The following SEMA3A variants were observed in gnomAD, a reference collection of about 807,000 sequenced individuals.
SEMA3A encodes the protein semaphorin 3A.
Under a neutral mutation model 97.9 loss-of-function variants are expected in SEMA3A, and 29 were observed. The ratio of observed to expected loss-of-function variants is 0.30; its 90% CI spans 0.22 to 0.40. SEMA3A has a LOEUF of 0.40. Ranked by LOEUF, SEMA3A falls within the 10% of genes least tolerant of loss-of-function variation. SEMA3A has a pLI of 1.00. For missense variants in SEMA3A, 763 were observed against 951.3 expected, an observed-to-expected ratio of 0.80 and a Z score of 2.60; for synonymous variants, 321 against 323.7, an observed-to-expected ratio of 0.99 and a Z score of 0.09.
intron 2 of SEMA3A, among the ~76,000 whole-genome samples, chr7:84,371,211 A>G (rs1460921346): frequency 6.6e-6 from 1 of 151,824 alleles, no homozygotes; most frequent in African/African-American, 2.4e-5. Context: ...TTTTTACAGA[A>G]TCAGATATGC....
intron 1 of SEMA3A, among the ~76,000 whole-genome samples, chr7:84,467,769 C>T (rs1806041133): frequency 6.6e-6 from 1 of 152,116 alleles, no homozygotes; most frequent in South Asian, 2.1e-4. Context: ...AAACAGCCTT[C>T]CTTTTTATTT....
At position 84,086,074 on chromosome 7, in the gene SEMA3A, T is replaced by C. The variant is rs183658426; in HGVS notation, c.453+24396A>G. 4.6e-5 allele frequency among the ~76,000 whole-genome samples: 7 copies of C among 152,246 alleles called. No individual in the cohort carries two copies. In the East Asian group the frequency reaches 1.4e-3, roughly 29 times the overall value. ...TGCTCTTCTACCCCTGTTGCTATTA[T>C]AACTTCTCTACGAGTGCTCTGTGTG... On this transcript the variant is annotated intron_variant, in intron 4 of 16. Coordinates refer to ENST00000265362, the MANE Select transcript of SEMA3A (RefSeq NM_006080.3).
At chr7:84,219,621 T>A (rs1471483993) in intron 3 of SEMA3A, among the ~76,000 whole-genome samples, 6 of 152,210 alleles carry the variant, frequency 3.9e-5, no homozygotes. Context: ...AAGCATTATG[T>A]CTAAACAAAA....
intron 1 of SEMA3A, among the ~76,000 whole-genome samples, chr7:84,432,147 T>G (rs569546008): frequency 1.4e-3 from 206 of 152,198 alleles, no homozygotes; most frequent in Non-Finnish European, 2.1e-3. Flanking sequence ...CCACCCAATC[T>G]GTCATTTATA....
chr7:84,255,403 C>T (rs1462912705), intron 3 of SEMA3A, among the ~76,000 whole-genome samples: 1 of 152,098 alleles, frequency 6.6e-6, no homozygotes, highest in Non-Finnish European at 1.5e-5. Flanking sequence ...AAAGGCAACA[C>T]TCTTTCATAG....
chr7:84,409,039 T>C (rs1804188530), intron 1 of SEMA3A, among the ~76,000 whole-genome samples: 1 of 149,314 alleles, frequency 6.7e-6, no homozygotes, highest in Non-Finnish European at 1.5e-5. Context: ...AAACTTAAAG[T>C]ATAATAATAA....
intron 1 of SEMA3A, among the ~76,000 whole-genome samples, chr7:84,135,355 C>T (rs1353410224): frequency 6.6e-6 from 1 of 152,048 alleles, no homozygotes; most frequent in African/African-American, 2.4e-5. Flanking sequence ...AAGTGATCCT[C>T]CTGCCTCGGC....
chr7:84,446,707 T>C (rs1805422562), intron 1 of SEMA3A, among the ~76,000 whole-genome samples: 1 of 152,182 alleles, frequency 6.6e-6, no homozygotes, highest in South Asian at 2.1e-4. Flanking sequence ...TCATAGTTGG[T>C]GAAAGACTGA....
chr7:84,206,923 T>A (rs907427802), intron 3 of SEMA3A, among the ~76,000 whole-genome samples: 1 of 152,200 alleles, frequency 6.6e-6, no homozygotes, highest in African/African-American at 2.4e-5. Flanking sequence ...CTGTAACTCA[T>A]TCTATCTCTA....
chr7:84,491,663 G>T, intron 1 of SEMA3A, among the ~76,000 whole-genome samples: 1 of 152,024 alleles, frequency 6.6e-6, no homozygotes, highest in East Asian at 1.9e-4. Context: ...TCAGAGTAGG[G>T]GGCTCAAGGA....
At chr7:84,378,552 C>G (rs971218548) in intron 1 of SEMA3A, among the ~76,000 whole-genome samples, 2 of 151,900 alleles carry the variant, frequency 1.3e-5, no homozygotes, top group African/African-American at 4.8e-5. Context: ...ACACTGGGGC[C>G]TTTCGGGGTG....
At chr7:83,996,638 T>A (rs2116370907) in intron 12 of SEMA3A, among the ~76,000 whole-genome samples, 1 of 152,290 alleles carries the variant, frequency 6.6e-6, no homozygotes, top group African/African-American at 2.4e-5. Context: ...AAACACTTTT[T>A]AAAAGTATTT....
chr7:84,177,361 T>C (rs1398613673), intron 1 of SEMA3A, among the ~76,000 whole-genome samples: 1 of 152,136 alleles, frequency 6.6e-6, no homozygotes. Context: ...TATGTGTTTA[T>C]AATATAAAGT....
At chr7:84,184,587 T>A (rs1162481153) in intron 1 of SEMA3A, among the ~76,000 whole-genome samples, 4 of 151,858 alleles carry the variant, frequency 2.6e-5, no homozygotes, top group Non-Finnish European at 5.9e-5. Context: ...TACTACCAGG[T>A]AAAAAGGTGG....
At chr7:84,251,212 C>T (rs1799599933) in intron 3 of SEMA3A, among the ~76,000 whole-genome samples, 1 of 152,174 alleles carries the variant, frequency 6.6e-6, no homozygotes, top group Non-Finnish European at 1.5e-5. Flanking sequence ...ATGATATCAA[C>T]ATTCTGGTTC....
At chr7:84,005,236 C>T (rs1790617094) in intron 11 of SEMA3A, 103 bp downstream of exon 11, 1 of 812,806 alleles carries the variant, frequency 1.2e-6, no homozygotes, top group Admixed American at 1.9e-5. Flanking sequence ...TTTTCAACTG[C>T]ACAGAGGGTT....
At chr7:84,467,036 T>C (rs1436979337) in intron 1 of SEMA3A, among the ~76,000 whole-genome samples, 1 of 152,192 alleles carries the variant, frequency 6.6e-6, no homozygotes, top group African/African-American at 2.4e-5. Context: ...ATGTCAGTTT[T>C]AAATTTAACT....
At chr7:84,130,016 A>G in intron 2 of SEMA3A, among the ~76,000 whole-genome samples, 1 of 151,880 alleles carries the variant, frequency 6.6e-6, no homozygotes, top group East Asian at 1.9e-4. Context: ...TAATCCAAAT[A>G]CTCTCATTTG....
chr7:84,106,263 A>T (rs549506160), intron 4 of SEMA3A, among the ~76,000 whole-genome samples: 94 of 152,280 alleles, frequency 6.2e-4, no homozygotes, highest in Non-Finnish European at 7.4e-5. Flanking sequence ...GTGACCTCAT[A>T]GCCATTGGAA....
Sources: gnomAD v4.1 joint callset for allele counts (sites outside exome capture counted in the v4.1 genomes callset) on GRCh38, gnomAD v4.1.1 for gene constraint, MANE v1.5 for transcripts, NCBI Gene and HGNC (gene_info 2026-07-23, HGNC 2026-07-21) for gene names.